Variants in CNTN6 observed in about 807,000 individuals in gnomAD.
CNTN6 encodes the protein contactin 6.
In CNTN6, 137 loss-of-function variants were observed where a neutral mutation model predicts 122.8. The observed-to-expected ratio is 1.12, with a 90% CI of 0.97 to 1.29. The LOEUF is 1.29. CNTN6 is among the 50% of genes most tolerant of loss of function. CNTN6 has a pLI of 0.00. For synonymous variants in CNTN6, 570 were observed against 426.0 expected, an observed-to-expected ratio of 1.34 and a Z score of -4.16; for missense variants, 1,634 against 1,223.4, an observed-to-expected ratio of 1.34 and a Z score of -5.01.
chr3:1,227,973 A>C lies in CNTN6; in HGVS notation c.338A>C (p.Lys113Thr), dbSNP rs1175589046. The change falls in exon 4 of 23, where the codon AAG becomes ACG. Residue 113 changes from lysine to threonine, a missense_variant. Transcript: ENST00000446702. ...TNLLGTILSRKAKLQFAYIED... is the reference protein window; with the variant it reads ...TNLLGTILSRTAKLQFAYIED... ...CTTCTGGGGACAATTCTGAGTCGGA[A>C]GGCAAAGCTCCAATTTGCATGTGAG... is the stretch of plus-strand genomic sequence containing the variant. 1 of 1,613,526 alleles carries C rather than the reference A, an allele frequency of 6.2e-7. No homozygotes were observed. Among genetic ancestry groups the C allele is most frequent in the Admixed American group, 1.7e-5 (1 of 59,880 alleles).
chr3:1,259,247 TAACTG>T (rs1328397584), intron 4 of CNTN6, among the ~76,000 whole-genome samples: 3 of 152,214 alleles, frequency 2.0e-5, no homozygotes, highest in Admixed American at 6.6e-5. Context: ...TATAGATAAA[TAACTG>T]AAGAAGACAG....
At chr3:1,106,340 A>AT (rs557307598) in intron 1 of CNTN6, among the ~76,000 whole-genome samples, 1 of 152,110 alleles carries the variant, frequency 6.6e-6, no homozygotes, top group African/African-American at 2.4e-5. Flanking sequence ...TTTAGCTTGC[A>AT]TTTACGTTGC....
Position 1,372,963 on chromosome 3 carries a change from T to C in CNTN6, c.1786+8T>C. On this transcript the variant is annotated splice_region_variant and intron_variant, in intron 14 of 22. Coordinates refer to ENST00000446702, the MANE Select transcript of CNTN6 (RefSeq NM_001289080.2). ...CCGATATCATTGTTAGAGGTAAGCA[T>C]AAATGGTGAAAAAGTGATCACATTG... 4 of 1,469,010 alleles carry C rather than the reference T, an allele frequency of 2.7e-6. No individual in the cohort carries two copies. Among genetic ancestry groups the C allele is most frequent in the Non-Finnish European group, 3.8e-6 (4 of 1,058,124 alleles). 91.0% of individuals were successfully genotyped at this position (1,469,010 alleles called of 1,614,324 possible). A position where few individuals can be genotyped will look rare whatever the true frequency, so the allele number is the denominator to read the frequency against.
At chr3:1,142,187 GGAGT>G (rs1281624864) in intron 1 of CNTN6, among the ~76,000 whole-genome samples, 3 of 150,836 alleles carry the variant, frequency 2.0e-5, no homozygotes, top group Admixed American at 1.3e-4. Flanking sequence ...GCCAGGAGAT[GGAGT>G]GAGTGACAAT....
chr3:1,138,758 A>T (rs1037412871), intron 1 of CNTN6, among the ~76,000 whole-genome samples: 7 of 151,772 alleles, frequency 4.6e-5, no homozygotes, highest in African/African-American at 1.7e-4. Context: ...TTTTTAAAAA[A>T]TTTGGAATAT....
At chr3:1,356,751 G>A (rs539374200) in intron 12 of CNTN6, among the ~76,000 whole-genome samples, 10 of 151,966 alleles carry the variant, frequency 6.6e-5, no homozygotes, top group Non-Finnish European at 1.2e-4. Context: ...ATGACTGAAA[G>A]CATTTCAACA....
chr3:1,190,545 A>G (rs1409325227), intron 2 of CNTN6, among the ~76,000 whole-genome samples: 1 of 152,194 alleles, frequency 6.6e-6, no homozygotes, highest in Non-Finnish European at 1.5e-5. Flanking sequence ...ACACATTGTG[A>G]TCAAATGCAG....
chr3:1,392,723 A>C (rs1318550203), intron 20 of CNTN6, among the ~76,000 whole-genome samples: 1 of 143,818 alleles, frequency 7.0e-6, no homozygotes, highest in Non-Finnish European at 1.6e-5. Context: ...AAAAACAAAC[A>C]ACCCCATCAA....
intron 12 of CNTN6, among the ~76,000 whole-genome samples, chr3:1,371,586 C>G (rs1426004809): frequency 6.6e-6 from 1 of 152,054 alleles, no homozygotes; most frequent in Non-Finnish European, 1.5e-5. Context: ...ATAGGACTCT[C>G]AAGTACAACT....
intron 3 of CNTN6, among the ~76,000 whole-genome samples, chr3:1,226,030 A>G (rs2094278587): frequency 6.6e-6 from 1 of 152,120 alleles, no homozygotes; most frequent in Non-Finnish European, 1.5e-5. Flanking sequence ...CGAAGAAGTC[A>G]ATGACATTTG....
chr3:1,130,004 T>C (rs751832685), intron 1 of CNTN6, among the ~76,000 whole-genome samples: 19 of 152,076 alleles, frequency 1.2e-4, no homozygotes, highest in Non-Finnish European at 2.4e-4. Flanking sequence ...TAAGAAGTAG[T>C]TTAAAAAGCA....
At chr3:1,372,699 T>G (rs1033892631) in intron 13 of CNTN6, 139 bp from the exon 14 acceptor site, 1 of 686,982 alleles carries the variant, frequency 1.5e-6, no homozygotes, top group East Asian at 2.6e-5. Flanking sequence ...AGGGTTTAGA[T>G]ACAAGAAATG....
chr3:1,393,534 G>A (rs562313244), intron 20 of CNTN6, among the ~76,000 whole-genome samples: 70 of 133,046 alleles, frequency 5.3e-4, no homozygotes, highest in African/African-American at 1.7e-3. Flanking sequence ...TTGTGCACAT[G>A]TACCCTAAAA....
At chr3:1,316,344 C>A (rs560607049) in intron 7 of CNTN6, among the ~76,000 whole-genome samples, 5 of 151,794 alleles carry the variant, frequency 3.3e-5, no homozygotes, top group Non-Finnish European at 5.9e-5. Flanking sequence ...AGGAAACTTA[C>A]AATCATGGTA....
intron 1 of CNTN6, among the ~76,000 whole-genome samples, chr3:1,126,884 C>T (rs752163206): frequency 6.6e-6 from 1 of 151,868 alleles, no homozygotes; most frequent in Non-Finnish European, 1.5e-5. Flanking sequence ...GGAGAGTTAA[C>T]ACATTTCCCA....
intron 1 of CNTN6, among the ~76,000 whole-genome samples, chr3:1,115,075 A>G (rs908401777): frequency 6.6e-5 from 10 of 152,144 alleles, no homozygotes; most frequent in Non-Finnish European, 1.2e-4. Flanking sequence ...TTTCAGTTTT[A>G]AGACCAAAAA....
At chr3:1,277,614 G>A (rs112447921) in intron 4 of CNTN6, among the ~76,000 whole-genome samples, 2,020 of 152,128 alleles carry the variant, frequency 0.013, 53 homozygotes, top group African/African-American at 0.046. Flanking sequence ...GCCTGACTCA[G>A]CCTCCCAAAG....
At chr3:1,374,800 A>G (rs1359874160) in intron 16 of CNTN6, among the ~76,000 whole-genome samples, 1 of 152,128 alleles carries the variant, frequency 6.6e-6, no homozygotes, top group Non-Finnish European at 1.5e-5. Context: ...AAATTACCTT[A>G]TTAAAGTGTG....
At chr3:1,387,012 AACT>A (rs1265157519) in intron 20 of CNTN6, among the ~76,000 whole-genome samples, 2 of 150,998 alleles carry the variant, frequency 1.3e-5, no homozygotes, top group African/African-American at 4.9e-5. Flanking sequence ...CAACCAGATC[AACT>A]GTCAGATATT....
Sources: allele counts gnomAD v4.1 joint callset (sites outside exome capture counted in the v4.1 genomes callset), GRCh38; gene constraint gnomAD v4.1.1; transcripts MANE v1.5; gene names NCBI Gene and HGNC (gene_info 2026-07-23, HGNC 2026-07-21).